The following A2M variants were observed in gnomAD, a reference collection of about 807,000 sequenced individuals.
A2M encodes alpha-2-macroglobulin.
A neutral mutation model predicts 183.9 loss-of-function variants in A2M; 128 were observed. The ratio of observed to expected loss-of-function variants is 0.70; its 90% CI spans 0.60 to 0.81. The LOEUF is 0.81. Ranked by LOEUF, A2M falls within the 30% of genes least tolerant of loss-of-function variation. The pLI is 0.00. For synonymous variants in A2M, 592 were observed against 670.8 expected (o/e 0.88, Z 1.81); for missense variants, 1,495 against 1,787.6 (o/e 0.84, Z 2.95).
At position 9,101,454 on chromosome 12, in the gene A2M, T is replaced by C. The variant is rs746985051; in HGVS notation, c.1487A>G (p.Tyr496Cys). 2 of 1,612,170 alleles carry C rather than the reference T, an allele frequency of 1.2e-6. No individual in the cohort carries two copies. Among genetic ancestry groups the C allele is most frequent in the South Asian group, 2.2e-5 (2 of 90,896 alleles). ...TLLGLKKLSF[Y>C]YLIMAKGGIV... ...AGTAACCTCCCTTCTCACCAGATAA[T>C]AGAAGGAGAGCTTCTTCAGCCCCAG... is the stretch of plus-strand genomic sequence containing the variant. The change falls in exon 12 of 36, where the codon TAT becomes TGT. Residue 496 changes from tyrosine to cysteine, a missense_variant. By Grantham distance (194) the Tyr-to-Cys change is radical. Coordinates refer to ENST00000318602, the MANE Select transcript of A2M (RefSeq NM_000014.6).
At chr12:9,077,299 ATTGCATCCAGAACTCTCCT>A in intron 27 of A2M, 28 bp downstream of exon 27, 2 of 1,539,118 alleles carry the variant, frequency 1.3e-6, no homozygotes, top group Non-Finnish European at 1.8e-6. Flanking sequence ...CAGCAGTTTC[ATTGCATCCAGAACTCTCCT>A]TCAGCAGAGG....
chr12:9,112,063 A>G lies in A2M; in HGVS notation c.483+96T>C, dbSNP rs1938770311. Reference sequence around the variant, plus strand: ...GCCAGAAGTTACTGTTAATGATACCAGATTCTTCCTCTCCCTGGTCTTCCC... The same window carrying G: ...GCCAGAAGTTACTGTTAATGATACCGGATTCTTCCTCTCCCTGGTCTTCCC... On this transcript the variant is annotated intron_variant, in intron 4 of 35. Transcript: ENST00000318602. The G allele has an allele frequency of 1.1e-5, 13 of 1,131,216 alleles. No homozygotes were observed. In the South Asian group the frequency reaches 1.5e-4, roughly 13 times the overall value. 70.1% of individuals were successfully genotyped at this position (1,131,216 alleles called of 1,614,324 possible).
chr12:9,099,570 AT>A, intron 13 of A2M, 47 bp from the exon 14 acceptor site: 2 of 1,563,636 alleles, frequency 1.3e-6, no homozygotes, highest in Non-Finnish European at 8.7e-7. Context: ...GTTAATGACT[AT>A]TTCCATTAGT....
chr12:9,093,709 G>C (rs1949282081), intron 17 of A2M, 130 bp from the exon 18 acceptor site: 1 of 522,430 alleles, frequency 1.9e-6, no homozygotes, highest in Non-Finnish European at 3.2e-6. Context: ...AAGGAGGAGA[G>C]GGCGCTTGGG....
At chr12:9,068,019 G>T in intron 35 of A2M, 164 bp downstream of exon 35, 1 of 977,946 alleles carries the variant, frequency 1.0e-6, no homozygotes, top group Non-Finnish European at 1.6e-6. Flanking sequence ...AGGTTTGACA[G>T]AGTCAGCGGC....
At chr12:9,070,694 T>C in intron 31 of A2M, 116 bp from the exon 32 acceptor site, 1 of 684,304 alleles carries the variant, frequency 1.5e-6, no homozygotes, top group East Asian at 2.8e-5. Flanking sequence ...TCTTCCCAAA[T>C]ATCTTATCCC....
intron 16 of A2M, 59 bp from the exon 17 acceptor site, chr12:9,095,143 C>T: frequency 2.3e-6 from 2 of 884,774 alleles, no homozygotes; most frequent in Non-Finnish European, 1.7e-6. Context: ...ACATAGGTAG[C>T]TACTTCTTTT....
At chr12:9,098,838 A>G (rs1949467366) in intron 14 of A2M, 82 bp from the exon 15 acceptor site, 2 of 1,487,370 alleles carry the variant, frequency 1.3e-6, no homozygotes, top group African/African-American at 2.8e-5. Flanking sequence ...AGTGTTCCTC[A>G]TGTACAATGT....
chr12:9,097,237 T>A (rs1949408319), intron 15 of A2M, among the ~76,000 whole-genome samples: 1 of 152,298 alleles, frequency 6.6e-6, no homozygotes, highest in African/African-American at 2.4e-5. Flanking sequence ...TATTCTAATA[T>A]TTTCAGTTAA....
intron 7 of A2M, among the ~76,000 whole-genome samples, chr12:9,108,458 G>A (rs1938479248): frequency 2.0e-5 from 3 of 152,266 alleles, no homozygotes; most frequent in South Asian, 2.1e-4. Flanking sequence ...GGATTGTGTC[G>A]TAAATATGTC....
rs1938597943 is a variant in A2M, at chr12:9,109,950, T to C, written c.590A>G (p.Glu197Gly). The C allele has an allele frequency of 6.2e-7, 1 of 1,614,068 alleles. No homozygotes were observed. The highest frequency in any genetic ancestry group is 8.5e-7 in the Non-Finnish European group (1 of 1,179,944). The change falls in exon 6 of 36, where the codon GAG (glutamate) becomes GGG (glycine). Residue 197 changes from glutamate (E) to glycine (G), a missense_variant. By Grantham distance (98) the Glu-to-Gly change is moderately conservative. Coordinates refer to ENST00000318602, the MANE Select transcript of A2M (RefSeq NM_000014.6). ...CACCTTGTAGGAGCCCTGGAAGGGC[T>C]CTGATGAGAGGGGAAAAGAAAATTG... is the stretch of plus-strand genomic sequence containing the variant. Reference protein sequence around the residue: ...LKQFSFPLSSEPFQGSYKVVV... With the variant: ...LKQFSFPLSSGPFQGSYKVVV...
Position 9,107,588 on chromosome 12 carries a change from T to C in A2M, c.815A>G (p.Tyr272Cys). Residue 272 changes from tyrosine (Y) to cysteine (C), a missense_variant, in exon 8 of 36, where the codon TAT becomes TGT. By Grantham distance (194) the Tyr-to-Cys change is radical. Coordinates refer to ENST00000318602, the MANE Select transcript of A2M (RefSeq NM_000014.6). ...ACCGTGGCAGTCGGAAGCGTCACTA[T>C]ACTTTCTGCAAATGCTCACAGTCAC... is the stretch of plus-strand genomic sequence containing the variant. ...GHVTVSICRKYSDASDCHGED... is the reference protein window; with the variant it reads ...GHVTVSICRKCSDASDCHGED... The C allele has an allele frequency of 5.6e-6, 9 of 1,614,050 alleles. No individual in the cohort carries two copies. The highest frequency in any genetic ancestry group is 7.6e-6 in the Non-Finnish European group (9 of 1,179,896).
chr12:9,081,823 A>G (rs1948915302), intron 22 of A2M, among the ~76,000 whole-genome samples: 1 of 152,248 alleles, frequency 6.6e-6, no homozygotes, highest in South Asian at 2.1e-4. Flanking sequence ...GAGGTCAGGT[A>G]GAAACAAAGA....
At chr12:9,080,265 GC>G in intron 22 of A2M, 88 bp from the exon 23 acceptor site, 1 of 787,550 alleles carries the variant, frequency 1.3e-6, no homozygotes, top group South Asian at 2.0e-5. Flanking sequence ...CTAGGACTAT[GC>G]CTTATACCTA....
In A2M at chr12:9,076,869, T is replaced by C. The variant is rs1477114678; in HGVS notation, c.3419A>G (p.His1140Arg). 1.2e-6 allele frequency: 2 copies of C among 1,613,430 alleles called. No individual in the cohort carries two copies. The highest frequency in any genetic ancestry group is 2.7e-5 in the African/African-American group (2 of 74,930). The change falls in exon 28 of 36, where the codon CAT (histidine) becomes CGT (arginine). Residue 1140 changes from histidine to arginine, a missense_variant. Physicochemically the swap from His to Arg is conservative, Grantham distance 29. Transcript: ENST00000318602. Reference protein sequence around the residue: ...SAWKTAQEGDHGSHVYTKALL... With the variant: ...SAWKTAQEGDRGSHVYTKALL... ...TGCTTTGGTATATACATGGCTGCCA[T>C]GGTCCCCTTCTTGTGCTGTCTTCCA...
At chr12:9,114,902 C>A (rs1391880449) in intron 1 of A2M, among the ~76,000 whole-genome samples, 3 of 152,052 alleles carry the variant, frequency 2.0e-5, no homozygotes, top group African/African-American at 7.2e-5. Context: ...AAGTATGATT[C>A]ATACATATTA....
chr12:9,091,301 T>C lies in A2M; in HGVS notation c.2369A>G (p.Gln790Arg). Residue 790 changes from glutamine to arginine, a missense_variant, in exon 19 of 36, where the codon CAG (glutamine) becomes CGG (arginine). Transcript: ENST00000318602. The part of the protein sequence containing the change: ...ISSTASLRAF[Q>R]PFFVELTMPY... ...CATTGTGAGCTCCACAAAGAAGGGC[T>C]GGAAGGCTCGGAGAGAGGCAGTGGA... 6.2e-7 allele frequency: 1 copy of C among 1,614,148 alleles called. No individual in the cohort carries two copies. The highest frequency in any genetic ancestry group is 2.2e-5 in the East Asian group (1 of 44,874).
chr12:9,080,959 A>T (rs1019792533), intron 22 of A2M, among the ~76,000 whole-genome samples: 1 of 152,202 alleles, frequency 6.6e-6, no homozygotes, highest in Non-Finnish European at 1.5e-5. Flanking sequence ...ACTGCTACTG[A>T]TGAACATACA....
chr12:9,113,328 C>T (rs1202742866), intron 2 of A2M, 32 bp downstream of exon 2: 10 of 1,607,458 alleles, frequency 6.2e-6, no homozygotes, highest in South Asian at 1.1e-5. Flanking sequence ...ACTAAAAGAA[C>T]CAAGTATATT....
Sources: gnomAD v4.1 joint callset for allele counts (sites outside exome capture counted in the v4.1 genomes callset) on GRCh38, gnomAD v4.1.1 for gene constraint, MANE v1.5 for transcripts, NCBI Gene and HGNC (gene_info 2026-07-23, HGNC 2026-07-21) for gene names.